Variants in STAT5B observed in about 807,000 individuals in gnomAD.
STAT5B encodes signal transducer and activator of transcription 5B, also known as transcription factor STAT5B.
In STAT5B, 21 loss-of-function variants were observed where a neutral mutation model predicts 107.8. The observed-to-expected ratio is 0.19, with a 90% confidence interval of 0.14 to 0.28. STAT5B has a LOEUF of 0.28. STAT5B is among the 10% of genes least tolerant of loss of function. The pLI is 1.00. For missense variants in STAT5B, 565 were observed against 1,008.2 expected (o/e 0.56, Z 5.95); for synonymous variants, 325 against 401.7 (o/e 0.81, Z 2.28).
At chr17:42,237,804 G>A (rs1213543849) in intron 1 of STAT5B, among the ~76,000 whole-genome samples, 1 of 152,108 alleles carries the variant, frequency 6.6e-6, no homozygotes, top group African/African-American at 2.4e-5. Flanking sequence ...AAGCCTCTCT[G>A]TGCCTCAGTT....
At position 42,266,129 on chromosome 17, in the gene STAT5B, T is replaced by C. The variant is rs922080507; in HGVS notation, c.-11+10119A>G. 4.6e-5 allele frequency among the ~76,000 whole-genome samples: 7 copies of C among 152,208 alleles called. No individual in the cohort carries two copies. The South Asian group carries it at 1.5e-3, about 32-fold the overall frequency. Reference sequence around the variant, plus strand: ...GTGTATCTATAAGATGTATCTTCTTTTATTAGTTATTAAAGCCACTTATAT... The same window carrying C: ...GTGTATCTATAAGATGTATCTTCTTCTATTAGTTATTAAAGCCACTTATAT... On this transcript the variant is annotated intron_variant, in intron 1 of 18. Coordinates refer to ENST00000293328, the MANE Select transcript of STAT5B (RefSeq NM_012448.4).
In STAT5B at chr17:42,207,553, GT is replaced by G. The variant is rs1236390768; in HGVS notation, c.2077+4del. 6.2e-7 allele frequency: 1 copy of G among 1,612,646 alleles called. No homozygotes were observed. ...AAAATCAAATCAGAATGCGAACATT[GT>G]TACCAGTAGCAGACTCGCAGGGAAC... On this transcript the variant is annotated splice_donor_region_variant and intron_variant, in intron 16 of 18. Transcript: ENST00000293328.
chr17:42,219,495 G>C (rs2080205052), intron 6 of STAT5B, 32 bp from the exon 7 acceptor site: 1 of 1,285,232 alleles, frequency 7.8e-7, no homozygotes, highest in African/African-American at 1.5e-5. Flanking sequence ...GCCCCTTCTG[G>C]GCTCCCAGAG....
intron 2 of STAT5B, among the ~76,000 whole-genome samples, chr17:42,228,798 G>A (rs2080294901): frequency 6.6e-6 from 1 of 152,164 alleles, no homozygotes; most frequent in Non-Finnish European, 1.5e-5. Context: ...TCCGGGCGTG[G>A]CGGCATGTGC....
At chr17:42,285,281 G>A in the STAT5B span, among the ~76,000 whole-genome samples, 149 of 152,122 alleles carry the variant, frequency 9.8e-4, no homozygotes, top group Non-Finnish European at 1.6e-3. Flanking sequence ...TAGTAGACAC[G>A]AGGTTTCACC....
chr17:42,265,251 G>A (rs989729681), intron 1 of STAT5B, among the ~76,000 whole-genome samples: 2 of 152,152 alleles, frequency 1.3e-5, no homozygotes, highest in South Asian at 2.1e-4. Context: ...TGTTGCCATC[G>A]CTTTTGGTGT....
chr17:42,250,851 G>A (rs2080493240), intron 1 of STAT5B, among the ~76,000 whole-genome samples: 1 of 151,492 alleles, frequency 6.6e-6, no homozygotes, highest in African/African-American at 2.4e-5. Flanking sequence ...TTGAACCTAG[G>A]AGGCGGAGGA....
intron 5 of STAT5B, among the ~76,000 whole-genome samples, chr17:42,222,005 GTGCTGT>G (rs1598305998): frequency 7.1e-6 from 1 of 141,512 alleles, no homozygotes; most frequent in East Asian, 2.1e-4. Context: ...TGGTGTGTGT[GTGCTGT>G]GTGTGGTGTG....
At chr17:42,273,278 AT>A (rs2080736112) in intron 1 of STAT5B, among the ~76,000 whole-genome samples, 3 of 152,154 alleles carry the variant, frequency 2.0e-5, no homozygotes. Flanking sequence ...AATTAAAAAC[AT>A]TTTCTTCCTT....
chr17:42,260,412 CGTTT>C (rs796546010), intron 1 of STAT5B, among the ~76,000 whole-genome samples: 12 of 151,944 alleles, frequency 7.9e-5, no homozygotes, highest in Admixed American at 2.6e-4. Flanking sequence ...CTTTTGGGTT[CGTTT>C]GTTTTTTTTT....
intron 15 of STAT5B, among the ~76,000 whole-genome samples, chr17:42,207,957 C>T (rs1253654907): frequency 2.0e-5 from 3 of 152,154 alleles, no homozygotes; most frequent in African/African-American, 4.8e-5. Flanking sequence ...TGCAGTGGTG[C>T]GATCTTGGCT....
At position 42,202,749 on chromosome 17, in the gene STAT5B, A is replaced by C. The variant is rs201769596; in HGVS notation, c.2129+8T>G. 3 of 1,614,004 alleles carry C rather than the reference A, an allele frequency of 1.9e-6. No homozygotes were observed. Among genetic ancestry groups the C allele is most frequent in the African/African-American group, 1.3e-5 (1 of 75,048 alleles). ...CAGAAGGAGAGCCACAGCCACCTGG[A>C]CACTTACTCAGGGACCACTTGCTTG... On this transcript the variant is annotated splice_region_variant and intron_variant, in intron 17 of 18. Transcript: ENST00000293328.
intron 1 of STAT5B, among the ~76,000 whole-genome samples, chr17:42,242,344 G>A (rs1361342096): frequency 6.6e-6 from 1 of 152,090 alleles, no homozygotes; most frequent in African/African-American, 2.4e-5. Context: ...AAAACCATTA[G>A]GTGACAGTTG....
intron 1 of STAT5B, among the ~76,000 whole-genome samples, chr17:42,261,071 G>A (rs1416717543): frequency 6.6e-6 from 1 of 151,700 alleles, no homozygotes; most frequent in East Asian, 1.9e-4. Context: ...ACCACGCCCG[G>A]CTAATTTTTG....
intron 13 of STAT5B, among the ~76,000 whole-genome samples, chr17:42,211,464 C>A (rs921732371): frequency 1.4e-4 from 22 of 152,076 alleles, no homozygotes; most frequent in African/African-American, 4.8e-4. Context: ...CAAGATCGTG[C>A]CATTGCAGTC....
intron 1 of STAT5B, among the ~76,000 whole-genome samples, chr17:42,258,407 G>A (rs1446598542): frequency 1.3e-5 from 2 of 152,210 alleles, no homozygotes; most frequent in African/African-American, 2.4e-5. Flanking sequence ...GGCTGGGCAC[G>A]GTAGCTTATG....
At chr17:42,255,343 G>C (rs2080533703) in intron 1 of STAT5B, among the ~76,000 whole-genome samples, 2 of 152,186 alleles carry the variant, frequency 1.3e-5, no homozygotes, top group African/African-American at 4.8e-5. Context: ...ATAAGCCACA[G>C]GCATACAGAT....
At chr17:42,263,441 A>G (rs1443498034) in intron 1 of STAT5B, among the ~76,000 whole-genome samples, 2 of 152,206 alleles carry the variant, frequency 1.3e-5, no homozygotes, top group African/African-American at 2.4e-5. Context: ...GTTCTAAGAC[A>G]TATCAATACA....
intron 1 of STAT5B, among the ~76,000 whole-genome samples, chr17:42,237,604 A>G (rs1598318682): frequency 6.6e-6 from 1 of 152,108 alleles, no homozygotes; most frequent in Admixed American, 6.6e-5. Flanking sequence ...GAATAATATT[A>G]TGCATAATAT....
Sources: gnomAD v4.1 joint callset for allele counts (sites outside exome capture counted in the v4.1 genomes callset) on GRCh38, gnomAD v4.1.1 for gene constraint, MANE v1.5 for transcripts, NCBI Gene and HGNC (gene_info 2026-07-23, HGNC 2026-07-21) for gene names.